Variants in HACE1 observed in about 807,000 individuals in gnomAD.
HACE1 encodes the protein HECT domain and ankyrin repeat containing E3 ubiquitin protein ligase 1, also known as E3 ubiquitin-protein ligase HACE1.
In HACE1, 73 loss-of-function variants were observed where a neutral mutation model predicts 118.4. That is an observed-to-expected ratio of 0.62 (90% CI 0.51 to 0.75). HACE1 has a LOEUF of 0.75. HACE1 is among the 30% of genes least tolerant of loss of function. The pLI, the probability that HACE1 is intolerant of heterozygous loss-of-function variation, is 0.00. For synonymous variants in HACE1, 368 were observed against 374.8 expected, an observed-to-expected ratio of 0.98 and a Z score of 0.21; for missense variants, 749 against 1,102.2, an observed-to-expected ratio of 0.68 and a Z score of 4.54.
chr6:104,817,085 T>C (rs1325562103), intron 6 of HACE1, among the ~76,000 whole-genome samples: 1 of 152,186 alleles, frequency 6.6e-6, no homozygotes, highest in Non-Finnish European at 1.5e-5. Context: ...AGAAGGGACT[T>C]ATCTGTCTCA....
At chr6:104,848,406 A>G (rs1489456466) in intron 4 of HACE1, among the ~76,000 whole-genome samples, 1 of 150,998 alleles carries the variant, frequency 6.6e-6, no homozygotes, top group Non-Finnish European at 1.5e-5. Context: ...CAGCGAGCCG[A>G]GACTGTGCCA....
intron 6 of HACE1, among the ~76,000 whole-genome samples, chr6:104,817,153 G>T (rs1242631735): frequency 6.6e-6 from 1 of 152,198 alleles, no homozygotes; most frequent in Non-Finnish European, 1.5e-5. Flanking sequence ...AAGACTGGAG[G>T]ACTGTTGAGA....
At chr6:104,795,717 A>C in intron 9 of HACE1, 32 bp from the exon 10 acceptor site, 1 of 1,278,376 alleles carries the variant, frequency 7.8e-7, no homozygotes, top group Non-Finnish European at 1.1e-6. Context: ...AAATGTGATT[A>C]CATAGTAATC....
chr6:104,808,899 T>C (rs1400851969), intron 7 of HACE1, among the ~76,000 whole-genome samples: 1 of 152,190 alleles, frequency 6.6e-6, no homozygotes, highest in Non-Finnish European at 1.5e-5. Context: ...CATCACAGAC[T>C]TGCTTAACCA....
intron 19 of HACE1, among the ~76,000 whole-genome samples, chr6:104,755,146 T>A (rs994148156): frequency 6.6e-6 from 1 of 151,994 alleles, no homozygotes; most frequent in Non-Finnish European, 1.5e-5. Context: ...CCCTAGATTC[T>A]GACAAAAGAG....
chr6:104,822,256 GC>G (rs1373490856), intron 6 of HACE1, among the ~76,000 whole-genome samples: 1 of 150,222 alleles, frequency 6.7e-6, no homozygotes, highest in Non-Finnish European at 1.5e-5. Context: ...GGTGGCAGGA[GC>G]CTCTAGTCCC....
At chr6:104,858,739 A>T (rs917858890) in intron 1 of HACE1, among the ~76,000 whole-genome samples, 23 of 152,214 alleles carry the variant, frequency 1.5e-4, no homozygotes, top group Non-Finnish European at 7.4e-5. Flanking sequence ...TCACTTGGGC[A>T]TAAAGAGCCA....
intron 14 of HACE1, among the ~76,000 whole-genome samples, chr6:104,783,839 A>G (rs576402842): frequency 6.6e-6 from 1 of 152,366 alleles, no homozygotes; most frequent in African/African-American, 2.4e-5. Context: ...ATAGAACTAA[A>G]GAGTTTCATT....
chr6:104,754,343 TAGG>T (rs1435865825), intron 19 of HACE1, among the ~76,000 whole-genome samples: 2 of 152,132 alleles, frequency 1.3e-5, no homozygotes, highest in African/African-American at 2.4e-5. Context: ...GGATATCATA[TAGG>T]AGAACTCCCC....
intron 19 of HACE1, among the ~76,000 whole-genome samples, chr6:104,757,057 A>G (rs753054834): frequency 5.9e-5 from 9 of 152,130 alleles, no homozygotes; most frequent in Admixed American, 1.3e-4. Context: ...ACAAAGAGGC[A>G]GGGAAGCTTG....
At chr6:104,768,666 CATT>C (rs1780278351) in intron 19 of HACE1, among the ~76,000 whole-genome samples, 1 of 151,990 alleles carries the variant, frequency 6.6e-6, no homozygotes, top group South Asian at 2.1e-4. Flanking sequence ...GAATGTATAA[CATT>C]AATAATCAAG....
intron 6 of HACE1, among the ~76,000 whole-genome samples, chr6:104,820,117 C>A (rs1229848104): frequency 3.3e-5 from 5 of 151,646 alleles, no homozygotes; most frequent in Admixed American, 3.3e-4. Context: ...ATCGCTTGAA[C>A]CCGGGAGGTG....
chr6:104,848,953 T>C (rs926888344), intron 4 of HACE1, among the ~76,000 whole-genome samples, 189 bp downstream of exon 4: 3 of 152,136 alleles, frequency 2.0e-5, no homozygotes, highest in African/African-American at 4.8e-5. Flanking sequence ...AGATCCACTA[T>C]AAAGAAGAAC....
In HACE1 at chr6:104,735,544, T is replaced by C. The variant is rs373750379; in HGVS notation, c.2514-5128A>G. 4.6e-5 allele frequency among the ~76,000 whole-genome samples: 7 copies of C among 151,366 alleles called. 1 individual carries two copies. Among genetic ancestry groups the C allele is most frequent in the Admixed American group, 4.6e-4 (7 of 15,216 alleles). On this transcript the variant is annotated intron_variant, in intron 22 of 23. Coordinates refer to ENST00000262903, the MANE Select transcript of HACE1 (RefSeq NM_020771.4). ...TACTTGGGAGGCTGAGGCAGGAGAATGGCGTGAACCCAGGAGGCGCAGCTT... is the reference window on the plus strand; with the variant it reads ...TACTTGGGAGGCTGAGGCAGGAGAACGGCGTGAACCCAGGAGGCGCAGCTT...
chr6:104,859,671 G>C lies in HACE1; in HGVS notation c.-29C>G, dbSNP rs1777122288. On this transcript the variant is annotated 5_prime_UTR_variant, in exon 1 of 24. The change creates a new upstream start codon in the 5' untranslated region. Coordinates refer to ENST00000262903, the MANE Select transcript of HACE1 (RefSeq NM_020771.4). ...CGGCGCGCCCTCCGCGATCCTCCGC[G>C]ATCAGCCGCCCCACCGGCGGCCTCC... 1 of 1,523,626 alleles carries C rather than the reference G, an allele frequency of 6.6e-7. No homozygotes were observed. Among genetic ancestry groups the C allele is most frequent in the African/African-American group, 1.4e-5 (1 of 70,352 alleles). 94.4% of individuals were successfully genotyped at this position (1,523,626 alleles called of 1,614,324 possible).
chr6:104,777,029 T>A lies in HACE1; in HGVS notation c.1760A>T (p.His587Leu). The A allele has an allele frequency of 6.2e-7, 1 of 1,609,544 alleles. No homozygotes were observed. Among genetic ancestry groups the A allele is most frequent in the South Asian group, 1.1e-5 (1 of 90,964 alleles). The change falls in exon 16 of 24, where the codon CAT (histidine) becomes CTT (leucine). Residue 587 changes from histidine (H) to leucine (L), a missense_variant. His to Leu is a moderately conservative substitution (Grantham distance 99, BLOSUM62 -3). Transcript: ENST00000262903. ...KLKQGIAVRF[H>L]GEEGMGQGVV... ...TATACCCACCATGCCTTCTTCTCCATGGAACCGTACAGCAATCCCTTGCTT... is the reference window on the plus strand; with the variant it reads ...TATACCCACCATGCCTTCTTCTCCAAGGAACCGTACAGCAATCCCTTGCTT...
At chr6:104,829,886 G>C (rs1365560661) in intron 6 of HACE1, among the ~76,000 whole-genome samples, 3 of 152,122 alleles carry the variant, frequency 2.0e-5, no homozygotes, top group Admixed American at 6.5e-5. Flanking sequence ...ACTTGCTTTA[G>C]GTTGTAAACC....
chr6:104,729,804 A>G, intron 23 of HACE1, 40 bp from the exon 24 acceptor site: 2 of 891,108 alleles, frequency 2.2e-6, no homozygotes, highest in Non-Finnish European at 3.8e-6. Context: ...CAGGAAATCT[A>G]TAAAATTTCT....
At chr6:104,855,271 C>T (rs1441994983) in intron 1 of HACE1, among the ~76,000 whole-genome samples, 1 of 152,004 alleles carries the variant, frequency 6.6e-6, no homozygotes, top group Non-Finnish European at 1.5e-5. Context: ...GGTGAAACCC[C>T]ATCTCTACTA....
Sources: gnomAD v4.1 joint callset for allele counts (sites outside exome capture counted in the v4.1 genomes callset) on GRCh38, gnomAD v4.1.1 for gene constraint, MANE v1.5 for transcripts, NCBI Gene and HGNC (gene_info 2026-07-23, HGNC 2026-07-21) for gene names.